The following RAMP1 variants were observed in gnomAD, a reference collection of about 807,000 sequenced individuals.
The protein encoded by RAMP1 is receptor activity modifying protein 1, also known as receptor activity-modifying protein 1.
Under a neutral mutation model 8.2 loss-of-function variants are expected in RAMP1, and 7 were observed. The ratio of observed to expected loss-of-function variants is 0.85; its 90% confidence interval spans 0.49 to 1.60. The LOEUF (loss-of-function observed/expected upper bound fraction) is 1.60, where lower values mean the gene tolerates loss of function less well. RAMP1 is among the 40% of genes most tolerant of loss of function. The probability of loss-of-function intolerance (pLI) is 0.00; values close to 1 mark genes in which losing one functional copy is unlikely to be tolerated. For missense variants in RAMP1, 192 were observed against 202.4 expected, an observed-to-expected ratio of 0.95 and a Z score of 0.31; for synonymous variants, 92 against 84.7, an observed-to-expected ratio of 1.09 and a Z score of -0.47.
chr2:237,883,525 A>G (rs1373017189), intron 2 of RAMP1, among the ~76,000 whole-genome samples: 3 of 151,846 alleles, frequency 2.0e-5, no homozygotes, highest in East Asian at 3.9e-4. Flanking sequence ...TGAATGGAAG[A>G]CTCCTCATGG....
chr2:237,859,372 A>G (rs2062108880), upstream of RAMP1, among the ~76,000 whole-genome samples: 1 of 152,102 alleles, frequency 6.6e-6, no homozygotes, highest in South Asian at 2.1e-4. Context: ...CCCTAGTTTA[A>G]AAAGTGTTTA....
At chr2:237,903,169 A>G (rs1353435109) in intron 2 of RAMP1, among the ~76,000 whole-genome samples, 1 of 152,180 alleles carries the variant, frequency 6.6e-6, no homozygotes, top group Admixed American at 6.5e-5. Flanking sequence ...CAGCTTTAGA[A>G]CATAAATGTT....
At chr2:237,887,172 G>A (rs932260724) in intron 2 of RAMP1, among the ~76,000 whole-genome samples, 1 of 152,178 alleles carries the variant, frequency 6.6e-6, no homozygotes, top group Admixed American at 6.5e-5. Flanking sequence ...TGTGGGGAGG[G>A]CAGTGGGTAG....
At chr2:237,868,575 A>G (rs373683076) in intron 1 of RAMP1, among the ~76,000 whole-genome samples, 1,644 of 114,804 alleles carry the variant, frequency 0.014, 37 homozygotes, top group African/African-American at 0.059. Flanking sequence ...CCCTCCCCCC[A>G]CCAAAAAAAA....
chr2:237,867,112 G>A (rs1480356138), intron 1 of RAMP1, among the ~76,000 whole-genome samples: 1 of 152,172 alleles, frequency 6.6e-6, no homozygotes, highest in Admixed American at 6.5e-5. Context: ...TCTCACGCCT[G>A]TAATCCTTGC....
intron 2 of RAMP1, among the ~76,000 whole-genome samples, chr2:237,899,517 T>C (rs2062577386): frequency 6.6e-6 from 1 of 152,190 alleles, no homozygotes; most frequent in African/African-American, 2.4e-5. Flanking sequence ...TTTCCCATGG[T>C]GTATTAAAGT....
intron 1 of RAMP1, among the ~76,000 whole-genome samples, chr2:237,870,287 G>A (rs905979797): frequency 1.3e-5 from 2 of 152,292 alleles, no homozygotes; most frequent in African/African-American, 4.8e-5. Flanking sequence ...CCCTGGGCAG[G>A]CCATTTCCCG....
rs369827851 is a variant in RAMP1, at chr2:237,911,698, C to T, written c.362C>T (p.Pro121Leu). The T allele has an allele frequency of 4.3e-5, 69 of 1,613,886 alleles. No individual in the cohort carries two copies. Among genetic ancestry groups the T allele is most frequent in the Non-Finnish European group, 5.8e-5 (68 of 1,179,982 alleles). The change falls in exon 3 of 3, where the codon CCC (proline) becomes CTC (leucine). Residue 121 changes from proline to leucine, a missense_variant. Physicochemically the swap from Pro to Leu is moderately conservative, Grantham distance 98. Coordinates refer to ENST00000254661, the MANE Select transcript of RAMP1 (RefSeq NM_005855.4). ...VRDPPGSILY[P>L]FIVVPITVTL... Reference sequence around the variant, plus strand: ...GACCCGCCCGGCAGCATCCTCTACCCCTTCATCGTGGTCCCCATCACGGTG... The same window carrying T: ...GACCCGCCCGGCAGCATCCTCTACCTCTTCATCGTGGTCCCCATCACGGTG...
intron 2 of RAMP1, among the ~76,000 whole-genome samples, chr2:237,883,812 A>AC (rs1390839855): frequency 2.4e-5 from 3 of 127,412 alleles, no homozygotes; most frequent in African/African-American, 9.3e-5. Context: ...ACCAGACCCT[A>AC]CCTCAAAAAA....
chr2:237,867,053 A>G (rs1293112347), intron 1 of RAMP1, among the ~76,000 whole-genome samples: 1 of 152,094 alleles, frequency 6.6e-6, no homozygotes, highest in African/African-American at 2.4e-5. Flanking sequence ...ATAATGAAGT[A>G]AGCTAGAGAA....
At chr2:237,905,148 G>C (rs2062639889) in intron 2 of RAMP1, among the ~76,000 whole-genome samples, 1 of 152,198 alleles carries the variant, frequency 6.6e-6, no homozygotes, top group Non-Finnish European at 1.5e-5. Context: ...TAATTACTCA[G>C]TGACACGAGA....
intron 2 of RAMP1, among the ~76,000 whole-genome samples, chr2:237,889,510 C>T (rs968545070): frequency 5.3e-5 from 8 of 152,136 alleles, no homozygotes; most frequent in Admixed American, 2.0e-4. Context: ...ATAATTTTTA[C>T]TTATATTCTG....
At chr2:237,872,217 C>T (rs562221036) in intron 1 of RAMP1, among the ~76,000 whole-genome samples, 127 of 152,320 alleles carry the variant, frequency 8.3e-4, no homozygotes, top group Middle Eastern at 3.4e-3. Context: ...GGAGGAGAGG[C>T]GGCTCGGCAG....
At position 237,862,092 on chromosome 2, in the gene RAMP1, C is replaced by T. The variant is rs2062138849; in HGVS notation, c.52+2365C>T. On this transcript the variant is annotated intron_variant, in intron 1 of 2. Transcript: ENST00000254661. The surrounding 1 kb of genome is among the most constrained non-coding windows in gnomAD (Gnocchi z 4.0). ...GAACTCAGTCACCTGTCCTAGGAAA[C>T]GCATGCCTTCCTTGGCTGTCACGTG... 1.3e-5 allele frequency among the ~76,000 whole-genome samples: 2 copies of T among 152,190 alleles called. No homozygotes were observed. Among genetic ancestry groups the T allele is most frequent in the African/African-American group, 2.4e-5 (1 of 41,512 alleles).
intron 2 of RAMP1, among the ~76,000 whole-genome samples, chr2:237,904,288 G>A (rs967832806): frequency 6.6e-5 from 10 of 151,948 alleles, no homozygotes; most frequent in African/African-American, 9.6e-5. Context: ...GCGTGGTGGC[G>A]GGCACCTGTA....
intron 2 of RAMP1, 128 bp from the exon 3 acceptor site, chr2:237,911,400 G>A (rs1576562415): frequency 2.3e-6 from 3 of 1,333,170 alleles, no homozygotes; most frequent in Admixed American, 2.3e-5. Context: ...CCACTGCCTC[G>A]GCGTCGGGGC....
Position 237,906,839 on chromosome 2 carries a change from C to T in RAMP1, c.192-4689C>T, listed in dbSNP as rs1559955638. 2.7e-5 allele frequency among the ~76,000 whole-genome samples: 4 copies of T among 150,630 alleles called. No homozygotes were observed. In the East Asian group the frequency reaches 7.9e-4, roughly 30 times the overall value. On this transcript the variant is annotated intron_variant, in intron 2 of 2. Transcript: ENST00000254661. ...CCAGGTTCAAGTAATTCTCCTGCCTCAGCCTCCCGAGTAGCTGGGATTACA... is the reference window on the plus strand; with the variant it reads ...CCAGGTTCAAGTAATTCTCCTGCCTTAGCCTCCCGAGTAGCTGGGATTACA...
At chr2:237,867,518 A>G (rs886172541) in intron 1 of RAMP1, among the ~76,000 whole-genome samples, 1 of 152,004 alleles carries the variant, frequency 6.6e-6, no homozygotes, top group Non-Finnish European at 1.5e-5. Context: ...TGGAGAATGC[A>G]TCTTCTTCCC....
chr2:237,859,814 G>A, intron 1 of RAMP1, 87 bp downstream of exon 1: 2 of 1,169,034 alleles, frequency 1.7e-6, no homozygotes, highest in Non-Finnish European at 2.2e-6. Context: ...GGGTGGGAGC[G>A]GGTGGGAGCG....
Sources: gnomAD v4.1 joint callset for allele counts (sites outside exome capture counted in the v4.1 genomes callset) on GRCh38, gnomAD v4.1.1 for gene constraint, Gnocchi (gnomAD v3.1) non-coding constraint, MANE v1.5 for transcripts, NCBI Gene and HGNC (gene_info 2026-07-23, HGNC 2026-07-21) for gene names.